SFT2D1: variants seen among roughly 807,000 people sequenced by gnomAD.
SFT2D1 encodes the protein SFT2 domain containing 1.
In SFT2D1, 24 loss-of-function variants were observed where a neutral mutation model predicts 28.1. That is an observed-to-expected ratio of 0.85 (90% confidence interval 0.62 to 1.20). SFT2D1 has a LOEUF of 1.20. SFT2D1 is among the 50% of genes most tolerant of loss of function. The pLI is 0.00. For synonymous variants in SFT2D1, 82 were observed against 73.7 expected (o/e 1.11, Z -0.58); for missense variants, 181 against 190.9 (o/e 0.95, Z 0.31).
intron 1 of SFT2D1, chr6:166,334,881 C>T (rs1778616939): frequency 9.6e-6 from 4 of 418,078 alleles, no homozygotes; most frequent in Admixed American, 8.2e-5. Context: ...ACGAGGTGCC[C>T]AACTGTGAAA....
At chr6:166,322,922 T>C in intron 6 of SFT2D1, 36 bp from the exon 7 acceptor site, 1 of 1,579,852 alleles carries the variant, frequency 6.3e-7, no homozygotes, top group African/African-American at 1.3e-5. Flanking sequence ...AATCTTCATC[T>C]GAATGATGGT....
chr6:166,342,276 G>C (rs1778798596), intron 1 of SFT2D1, 143 bp downstream of exon 1: 1 of 646,098 alleles, frequency 1.5e-6, no homozygotes, highest in Non-Finnish European at 2.5e-6. Flanking sequence ...CCAGGAAGCA[G>C]GCGGAGCCCT....
At chr6:166,325,597 C>T (rs2114894181) in intron 5 of SFT2D1, among the ~76,000 whole-genome samples, 1 of 152,380 alleles carries the variant, frequency 6.6e-6, no homozygotes, top group Non-Finnish European at 1.5e-5. Context: ...CTCGGCAGCA[C>T]ACTTGCCTCA....
chr6:166,342,154 G>A (rs995467960), intron 1 of SFT2D1, among the ~76,000 whole-genome samples: 1 of 152,202 alleles, frequency 6.6e-6, no homozygotes, highest in African/African-American at 2.4e-5. Flanking sequence ...GGAAAGCGAG[G>A]GCAGACGTTA....
At chr6:166,324,646 T>C (rs1389177752) in intron 5 of SFT2D1, 51 bp from the exon 6 acceptor site, 2 of 1,522,282 alleles carry the variant, frequency 1.3e-6, no homozygotes. Flanking sequence ...TTTAAAAACA[T>C]CTTTCTCAAT....
At chr6:166,341,045 G>A (rs992798910) in intron 1 of SFT2D1, among the ~76,000 whole-genome samples, 1 of 152,170 alleles carries the variant, frequency 6.6e-6, no homozygotes, top group Admixed American at 6.5e-5. Context: ...CTGTATCTGC[G>A]CTGTTTAATA....
intron 7 of SFT2D1, among the ~76,000 whole-genome samples, chr6:166,321,629 C>T (rs961701410): frequency 6.6e-6 from 1 of 152,140 alleles, no homozygotes; most frequent in Non-Finnish European, 1.5e-5. Flanking sequence ...CTTCACTGTT[C>T]GTATTAAAGA....
intron 1 of SFT2D1, chr6:166,335,601 C>T (rs776798869): frequency 8.1e-6 from 3 of 371,794 alleles, no homozygotes; most frequent in South Asian, 2.2e-5. Flanking sequence ...AAAATCAGAC[C>T]TTGGCGATGA....
intron 1 of SFT2D1, among the ~76,000 whole-genome samples, chr6:166,330,653 T>C (rs1200143034): frequency 6.6e-6 from 1 of 152,140 alleles, no homozygotes; most frequent in Non-Finnish European, 1.5e-5. Context: ...AGGTTCATTA[T>C]CTGTTCTCTC....
intron 4 of SFT2D1, among the ~76,000 whole-genome samples, chr6:166,326,772 T>C (rs2114896126): frequency 6.6e-6 from 1 of 152,358 alleles, no homozygotes; most frequent in East Asian, 1.9e-4. Flanking sequence ...GGAGACGTCT[T>C]ATATGTTCAA....
intron 5 of SFT2D1, 129 bp from the exon 6 acceptor site, chr6:166,324,724 G>A: frequency 4.7e-6 from 4 of 848,710 alleles, no homozygotes; most frequent in Non-Finnish European, 7.1e-6. Context: ...ATTTTAGTGT[G>A]ATAAATTTAA....
chr6:166,342,405 C>T lies in SFT2D1; in HGVS notation c.63+14G>A. 1 of 1,550,092 alleles carries T rather than the reference C, an allele frequency of 6.5e-7. No individual in the cohort carries two copies. Among genetic ancestry groups the T allele is most frequent in the South Asian group, 1.2e-5 (1 of 84,090 alleles). On this transcript the variant is annotated intron_variant, in intron 1 of 7. Coordinates refer to ENST00000361731, the MANE Select transcript of SFT2D1 (RefSeq NM_145169.3). Reference sequence around the variant, plus strand: ...GGGCAGCCCCGGGACTGGACGAGGGCGCAAGTTCGCTACCTGCGCAGTCAG... The same window carrying T: ...GGGCAGCCCCGGGACTGGACGAGGGTGCAAGTTCGCTACCTGCGCAGTCAG...
chr6:166,338,351 A>G (rs4709112), intron 1 of SFT2D1, among the ~76,000 whole-genome samples: 120,359 of 152,130 alleles, frequency 0.79, 48,065 homozygotes, highest in East Asian at 0.96. Flanking sequence ...GCTATTAGAC[A>G]CCAGGTACTT....
At chr6:166,329,105 C>CGGATTCCCACTGCCTGCA (rs1583037246) in intron 3 of SFT2D1, among the ~76,000 whole-genome samples, 1 of 152,162 alleles carries the variant, frequency 6.6e-6, no homozygotes, top group African/African-American at 2.4e-5. Context: ...ATCCCACCTC[C>CGGATTCCCACTGCCTGCA]GGATTCCCAC....
At chr6:166,327,033 T>C (rs1450374254) in intron 4 of SFT2D1, among the ~76,000 whole-genome samples, 1 of 152,150 alleles carries the variant, frequency 6.6e-6, no homozygotes, top group Non-Finnish European at 1.5e-5. Flanking sequence ...TAAGAAACTA[T>C]GAAGTTGAAT....
At chr6:166,336,019 A>AT (rs999155336) in intron 1 of SFT2D1, among the ~76,000 whole-genome samples, 1 of 152,144 alleles carries the variant, frequency 6.6e-6, no homozygotes, top group African/African-American at 2.4e-5. Flanking sequence ...TTTTAATGTA[A>AT]TTTTTTTCTT....
In SFT2D1 at chr6:166,328,303, T is replaced by C; in HGVS notation, c.288A>G (p.Thr96=). The change falls in exon 4 of 8, where the codon ACA becomes ACG. Residue 96 remains threonine (T), a synonymous_variant. Coordinates refer to ENST00000361731, the MANE Select transcript of SFT2D1 (RefSeq NM_145169.3). ...GCATAACAATTGTTGCAAGCAATCT[T>C]GTTGCTTCAAACATTTTCTTCAGTT... ...VKQLKKMFEA[T]RLLATIVMLL... 6.3e-7 allele frequency: 1 copy of C among 1,595,984 alleles called. No homozygotes were observed.
At chr6:166,335,738 T>C (rs1446987095) in intron 1 of SFT2D1, among the ~76,000 whole-genome samples, 1 of 152,218 alleles carries the variant, frequency 6.6e-6, no homozygotes, top group Non-Finnish European at 1.5e-5. Flanking sequence ...GCCATGGCAC[T>C]GGCAGAAGAT....
intron 1 of SFT2D1, chr6:166,331,355 G>T (rs189616292): frequency 6.6e-6 from 1 of 152,596 alleles, no homozygotes; most frequent in Non-Finnish European, 1.5e-5. Context: ...ATATGCAACA[G>T]TTCAAAATAC....
Sources: allele counts gnomAD v4.1 joint callset (sites outside exome capture counted in the v4.1 genomes callset), GRCh38; gene constraint gnomAD v4.1.1; transcripts MANE v1.5; gene names NCBI Gene and HGNC (gene_info 2026-07-23, HGNC 2026-07-21).